The following FRYL variants were observed in gnomAD, a reference collection of about 807,000 sequenced individuals.
The protein encoded by FRYL is FRY like transcription coactivator, also known as protein furry homolog-like.
FRYL carries 150 observed loss-of-function variants against 351.2 expected under a neutral mutation model. The ratio of observed to expected loss-of-function variants is 0.43; its 90% CI spans 0.37 to 0.49. FRYL has a LOEUF of 0.49. Among genes scored for constraint, FRYL ranks in the 20% least tolerant of loss-of-function variants. The pLI, the probability that FRYL is intolerant of heterozygous loss-of-function variation, is 0.00. For synonymous variants in FRYL, 1,153 were observed against 1,257.1 expected (o/e 0.92, Z 1.75); for missense variants, 3,036 against 3,619.3 (o/e 0.84, Z 4.13).
At chr4:48,534,790 G>A (rs1485325948) in intron 48 of FRYL, 105 bp from the exon 49 acceptor site, 3 of 667,128 alleles carry the variant, frequency 4.5e-6, no homozygotes. Context: ...TAGCCTATGA[G>A]TTTATAGTTA....
At chr4:48,723,617 C>T (rs1178894603) in intron 1 of FRYL, among the ~76,000 whole-genome samples, 1 of 152,120 alleles carries the variant, frequency 6.6e-6, no homozygotes, top group African/African-American at 2.4e-5. Flanking sequence ...GTTCTGTCAA[C>T]CCTATTTTCA....
chr4:48,617,438 C>T (rs1749734441), intron 7 of FRYL, among the ~76,000 whole-genome samples: 2 of 151,486 alleles, frequency 1.3e-5, no homozygotes, highest in South Asian at 4.2e-4. Flanking sequence ...AACCTCAAAT[C>T]CCTAGGCTCA....
At chr4:48,613,756 G>C (rs968165967) in intron 7 of FRYL, among the ~76,000 whole-genome samples, 31 of 152,182 alleles carry the variant, frequency 2.0e-4, no homozygotes, top group African/African-American at 7.0e-4. Flanking sequence ...AGGAGTTCCA[G>C]ACCAGCCTGG....
intron 7 of FRYL, among the ~76,000 whole-genome samples, chr4:48,613,541 A>G (rs1243852489): frequency 2.0e-5 from 3 of 152,168 alleles, no homozygotes; most frequent in African/African-American, 4.8e-5. Flanking sequence ...TGTTTATAAC[A>G]CTTGTTAACA....
intron 29 of FRYL, 135 bp downstream of exon 29, chr4:48,565,396 A>G (rs1736553034): frequency 1.8e-6 from 1 of 548,246 alleles, no homozygotes; most frequent in Admixed American, 4.0e-5. Flanking sequence ...AATATAACTT[A>G]TGGTATAAGT....
chr4:48,524,544 C>A (rs1267497699), intron 53 of FRYL, among the ~76,000 whole-genome samples: 1 of 152,068 alleles, frequency 6.6e-6, no homozygotes, highest in Non-Finnish European at 1.5e-5. Flanking sequence ...TGTTTTGTAG[C>A]AATCAAAGTA....
chr4:48,729,546 A>C (rs1437267345), intron 1 of FRYL, among the ~76,000 whole-genome samples: 1 of 152,168 alleles, frequency 6.6e-6, no homozygotes, highest in Non-Finnish European at 1.5e-5. Context: ...TAGAGGAAGG[A>C]TCAGGCAGCA....
rs1385705452 is a variant in FRYL, at chr4:48,582,719, C to T, written c.1764G>A (p.Met588Ile). 1 of 1,613,504 alleles carries T rather than the reference C, an allele frequency of 6.2e-7. No homozygotes were observed. The highest frequency in any genetic ancestry group is 8.5e-7 in the Non-Finnish European group (1 of 1,179,686). Reference sequence around the variant, plus strand: ...AAGCCAGAGCACGCAGTTCTTCATCCATATGAATTGTGAGCCTACCAAGAA... The same window carrying T: ...AAGCCAGAGCACGCAGTTCTTCATCTATATGAATTGTGAGCCTACCAAGAA... Reference protein sequence around the residue: ...IELLARLTIHMDEELRALAFN... With the variant: ...IELLARLTIHIDEELRALAFN... The change falls in exon 20 of 64, where the codon ATG (methionine) becomes ATA (isoleucine). Residue 588 changes from methionine to isoleucine, a missense_variant. By Grantham distance (10) the Met-to-Ile change is conservative. Around this residue, in one of 7 missense-constraint regions of FRYL, gnomAD observed 4 missense variants for 17.6 expected, o/e 0.23. Transcript: ENST00000358350.
intron 2 of FRYL, among the ~76,000 whole-genome samples, chr4:48,708,220 A>T (rs1289095211): frequency 6.6e-6 from 1 of 151,374 alleles, no homozygotes; most frequent in Non-Finnish European, 1.5e-5. Flanking sequence ...CGGAGGTTGC[A>T]GTAAGCCGAG....
At chr4:48,701,624 G>C (rs1766726390) in intron 2 of FRYL, among the ~76,000 whole-genome samples, 1 of 152,174 alleles carries the variant, frequency 6.6e-6, no homozygotes, top group Non-Finnish European at 1.5e-5. Context: ...GGCTGGCGCT[G>C]ATCTATTAAC....
chr4:48,513,479 G>C (rs1722908674), intron 56 of FRYL, among the ~76,000 whole-genome samples: 1 of 152,132 alleles, frequency 6.6e-6, no homozygotes, highest in African/African-American at 2.4e-5. Flanking sequence ...ATTTGGGTTG[G>C]ACATTCTACA....
chr4:48,510,875 A>G lies in FRYL; in HGVS notation c.8255T>C (p.Leu2752Pro), dbSNP rs1560511962. 4 of 1,613,450 alleles carry G rather than the reference A, an allele frequency of 2.5e-6. No homozygotes were observed. The highest frequency in any genetic ancestry group is 3.4e-6 in the Non-Finnish European group (4 of 1,179,544). The change falls in exon 58 of 64, where the codon CTG becomes CCG. Residue 2752 changes from leucine (L) to proline (P), a missense_variant. This residue lies in a region of FRYL where 1,987 missense variants were observed against 2,311.7 expected (regional missense o/e 0.86). Coordinates refer to ENST00000358350, the MANE Select transcript of FRYL (RefSeq NM_015030.2). ...AAAGACTGTTGGGCATTCTGAACAC[A>G]GCATCATCACTTCCAAGGAACTTTT... ...KFKSSLEVMM[L>P]CSECPTVFVD...
At chr4:48,520,746 T>C (rs1224708970) in intron 55 of FRYL, 3 of 212,138 alleles carry the variant, frequency 1.4e-5, no homozygotes, top group Non-Finnish European at 2.8e-5. Flanking sequence ...TCTAAGAAAA[T>C]ACAGTGCAAT....
chr4:48,761,024 T>TGA (rs1395981593), intron 1 of FRYL, among the ~76,000 whole-genome samples: 1 of 150,956 alleles, frequency 6.6e-6, no homozygotes, highest in Non-Finnish European at 1.5e-5. Context: ...TGTGTGTGTG[T>TGA]GTGTGTGTGT....
At chr4:48,542,223 G>A in intron 44 of FRYL, 102 bp from the exon 45 acceptor site, 1 of 779,632 alleles carries the variant, frequency 1.3e-6, no homozygotes. Context: ...TCCATGTTAT[G>A]TTACAAAATG....
intron 26 of FRYL, 106 bp from the exon 27 acceptor site, chr4:48,571,024 G>T: frequency 2.4e-6 from 2 of 831,556 alleles, no homozygotes; most frequent in Non-Finnish European, 3.9e-6. Context: ...AAGTTATTTT[G>T]CTTGTACAGT....
intron 19 of FRYL, among the ~76,000 whole-genome samples, chr4:48,582,955 G>A (rs375303754): frequency 1.3e-5 from 2 of 152,044 alleles, no homozygotes; most frequent in East Asian, 3.8e-4. Context: ...CCATTAGTTG[G>A]TGTTTTTACT....
At chr4:48,552,284 T>TGTGTGTGTGTGTGTG (rs3081411) in intron 36 of FRYL, among the ~76,000 whole-genome samples, 2 of 142,088 alleles carry the variant, frequency 1.4e-5, no homozygotes, top group African/African-American at 5.3e-5. Context: ...TGTGTGTGTG[T>TGTGTGTGTGTGTGTG]TCAGACACAC....
chr4:48,717,848 G>A lies in FRYL; in HGVS notation c.-383-7150C>T, dbSNP rs1455710638. 2.0e-5 allele frequency among the ~76,000 whole-genome samples: 3 copies of A among 151,432 alleles called. 1 individual carries two copies. Among genetic ancestry groups the A allele is most frequent in the Non-Finnish European group, 4.4e-5 (3 of 67,802 alleles). On this transcript the variant is annotated intron_variant, in intron 1 of 63. Transcript: ENST00000358350. ...GAGCTATCACGCATGGCCTTAAGTT[G>A]TACATTTTCAATTGGTGACTTGCAC... is the stretch of plus-strand genomic sequence containing the variant.
Sources: allele counts gnomAD v4.1 joint callset (sites outside exome capture counted in the v4.1 genomes callset), GRCh38; gene constraint gnomAD v4.1.1; regional missense constraint gnomAD v4.1.1; transcripts MANE v1.5; gene names NCBI Gene and HGNC (gene_info 2026-07-23, HGNC 2026-07-21).